Variants in SHROOM3 observed in about 807,000 individuals in gnomAD.
SHROOM3 encodes the protein shroom family member 3.
In SHROOM3, 47 loss-of-function variants were observed where a neutral mutation model predicts 138.6. The ratio of observed to expected loss-of-function variants is 0.34; its 90% confidence interval spans 0.27 to 0.43. The LOEUF (loss-of-function observed/expected upper bound fraction) is 0.43, where lower values mean the gene tolerates loss of function less well. Among genes scored for constraint, SHROOM3 ranks in the 20% least tolerant of loss-of-function variants. The pLI is 1.00. For missense variants in SHROOM3, 2,491 were observed against 2,596.5 expected (o/e 0.96, Z 0.88); for synonymous variants, 1,062 against 1,063.3 (o/e 1.00, Z 0.02).
At chr4:76,647,466 G>A (rs1323183707) in intron 2 of SHROOM3, among the ~76,000 whole-genome samples, 2 of 152,192 alleles carry the variant, frequency 1.3e-5, no homozygotes, top group East Asian at 1.9e-4. Context: ...GATAGATACC[G>A]TAAATACTCC....
intron 2 of SHROOM3, among the ~76,000 whole-genome samples, chr4:76,596,992 C>A (rs981016570): frequency 6.6e-6 from 1 of 152,192 alleles, no homozygotes; most frequent in African/African-American, 2.4e-5. Context: ...TGAGGAAGAG[C>A]TGGTCTAGCC....
chr4:76,447,551 T>G (rs1730839677), intron 1 of SHROOM3, among the ~76,000 whole-genome samples: 1 of 152,172 alleles, frequency 6.6e-6, no homozygotes, highest in African/African-American at 2.4e-5. Context: ...GATAGACAAT[T>G]AAAAGAATAG....
intron 2 of SHROOM3, 36 bp downstream of exon 2, chr4:76,555,799 C>T: frequency 6.2e-7 from 1 of 1,600,068 alleles, no homozygotes. Context: ...CCTCCTACCA[C>T]CTCACCCCAC....
chr4:76,580,464 T>C (rs1185470972), intron 2 of SHROOM3, among the ~76,000 whole-genome samples: 1 of 150,378 alleles, frequency 6.6e-6, no homozygotes, highest in Non-Finnish European at 1.5e-5. Context: ...TTTTTTTTTT[T>C]TTTTTGAGAT....
At chr4:76,676,867 C>T (rs945442688) in intron 2 of SHROOM3, among the ~76,000 whole-genome samples, 6 of 146,000 alleles carry the variant, frequency 4.1e-5, no homozygotes, top group African/African-American at 1.3e-4. Context: ...GGCGTGAACC[C>T]GGGAGGCGGA....
chr4:76,535,937 G>A (rs968864792), intron 1 of SHROOM3, among the ~76,000 whole-genome samples: 7 of 152,182 alleles, frequency 4.6e-5, no homozygotes, highest in South Asian at 2.1e-4. Flanking sequence ...GAAGAAATGC[G>A]GAGCTGATAA....
rs540733990 is a variant in SHROOM3 at position 76,678,533 on chromosome 4, A to G, written c.324-31623A>G. Among the ~76,000 whole-genome samples, 16 of 152,356 alleles carry G rather than the reference A, an allele frequency of 1.1e-4. No individual in the cohort carries two copies. In the East Asian group the frequency reaches 2.9e-3, roughly 27 times the overall value. Reference sequence around the variant, plus strand: ...TATTTATATGTAGTCAAGACTTTATATACCAAAGTCTTAAGAAGACAACTG... The same window carrying G: ...TATTTATATGTAGTCAAGACTTTATGTACCAAAGTCTTAAGAAGACAACTG... On this transcript the variant is annotated intron_variant, in intron 2 of 10. Coordinates refer to ENST00000296043, the MANE Select transcript of SHROOM3 (RefSeq NM_020859.4).
chr4:76,745,324 C>A lies in SHROOM3; in HGVS notation c.3753+3398C>A, dbSNP rs190166559. Among the ~76,000 whole-genome samples, 21 of 152,286 alleles carry A rather than the reference C, an allele frequency of 1.4e-4. No homozygotes were observed. In the East Asian group the frequency reaches 3.9e-3, roughly 28 times the overall value. Reference sequence around the variant, plus strand: ...ATATAGTAGAGACTATAAAGAGAAACCCTTGGAGAAATAAGATTACTGGTG... The same window carrying A: ...ATATAGTAGAGACTATAAAGAGAAAACCTTGGAGAAATAAGATTACTGGTG... On this transcript the variant is annotated intron_variant, in intron 5 of 10. Transcript: ENST00000296043.
chr4:76,455,191 TA>T (rs1338331639), intron 1 of SHROOM3, among the ~76,000 whole-genome samples: 1 of 152,124 alleles, frequency 6.6e-6, no homozygotes, highest in African/African-American at 2.4e-5. Context: ...ATACAAGTGG[TA>T]AAAGTGGATA....
Position 76,754,627 on chromosome 4 carries a change from AC to A in SHROOM3, c.4148del (p.Pro1383LeufsTer3). On this transcript the variant is annotated frameshift_variant, in exon 7 of 11. Coordinates refer to ENST00000296043, the MANE Select transcript of SHROOM3 (RefSeq NM_020859.4). LOFTEE classifies it high-confidence loss of function. ...AGGGCGACAGCCTCTCCCGCCCTACACCCCTGCCATGATGCACAGAAGCAAT... is the reference window on the plus strand; with the variant it reads ...AGGGCGACAGCCTCTCCCGCCCTACACCCTGCCATGATGCACAGAAGCAAT... ...QTGRQPLPPY[T>X]PAMMHRSNGH... The A allele has an allele frequency of 6.2e-7, 1 of 1,613,604 alleles. No homozygotes were observed. The highest frequency in any genetic ancestry group is 1.1e-5 in the South Asian group (1 of 91,042).
chr4:76,719,145 A>G (rs1237821881), intron 3 of SHROOM3, among the ~76,000 whole-genome samples: 1 of 152,132 alleles, frequency 6.6e-6, no homozygotes, highest in African/African-American at 2.4e-5. Flanking sequence ...TCAGGGGCAC[A>G]CACAACATTT....
At chr4:76,445,898 T>C (rs1352435195) in intron 1 of SHROOM3, among the ~76,000 whole-genome samples, 1 of 152,174 alleles carries the variant, frequency 6.6e-6, no homozygotes, top group Non-Finnish European at 1.5e-5. Context: ...AAGACAACTG[T>C]TAACCAAAAG....
chr4:76,718,238 T>C (rs1355771333), intron 3 of SHROOM3, among the ~76,000 whole-genome samples: 3 of 152,224 alleles, frequency 2.0e-5, no homozygotes, highest in Non-Finnish European at 2.9e-5. Flanking sequence ...CATTCTTTCA[T>C]CTGAAAGTGA....
chr4:76,582,358 T>G (rs999225448), intron 2 of SHROOM3, among the ~76,000 whole-genome samples: 2 of 152,020 alleles, frequency 1.3e-5, no homozygotes, highest in South Asian at 2.1e-4. Context: ...TTAACTGTTA[T>G]GGACAGACCC....
chr4:76,674,623 A>G (rs996362636), intron 2 of SHROOM3, among the ~76,000 whole-genome samples: 1 of 126,370 alleles, frequency 7.9e-6, no homozygotes, highest in African/African-American at 3.1e-5. Flanking sequence ...CCACAATCTC[A>G]GCTCACTGCA....
At chr4:76,710,358 G>A in intron 3 of SHROOM3, 71 bp downstream of exon 3, 1 of 1,590,918 alleles carries the variant, frequency 6.3e-7, no homozygotes, top group African/African-American at 1.3e-5. Context: ...TCAGCTGCTG[G>A]GAGAGGAGTC....
intron 1 of SHROOM3, among the ~76,000 whole-genome samples, chr4:76,554,717 G>A (rs1016774800): frequency 2.6e-5 from 4 of 152,266 alleles, no homozygotes; most frequent in East Asian, 3.9e-4. Context: ...ACCGTACCCG[G>A]CCAGAGGAAC....
intron 1 of SHROOM3, among the ~76,000 whole-genome samples, chr4:76,517,134 C>T (rs116174618): frequency 2.6e-5 from 4 of 152,180 alleles, no homozygotes; most frequent in Non-Finnish European, 4.4e-5. Context: ...GTGACAACTG[C>T]TTGGTCTTCT....
intron 1 of SHROOM3, among the ~76,000 whole-genome samples, chr4:76,484,866 G>A (rs150469057): frequency 3.1e-3 from 479 of 152,182 alleles, no homozygotes; most frequent in Middle Eastern, 0.01. Flanking sequence ...CCCTCTCTGG[G>A]ACCCAAGCTC....
Sources: gnomAD v4.1 joint callset for allele counts (sites outside exome capture counted in the v4.1 genomes callset) on GRCh38, gnomAD v4.1.1 for gene constraint, MANE v1.5 for transcripts, NCBI Gene and HGNC (gene_info 2026-07-23, HGNC 2026-07-21) for gene names.